Variants in CCDC91 observed in about 807,000 individuals in gnomAD.
CCDC91 encodes the protein coiled-coil domain-containing protein 91.
Under a neutral mutation model 63.2 loss-of-function variants are expected in CCDC91, and 48 were observed. The observed-to-expected ratio is 0.76, with a 90% CI of 0.60 to 0.97. The LOEUF (loss-of-function observed/expected upper bound fraction) is 0.97. Ranked by LOEUF, CCDC91 falls within the 50% of genes least tolerant of loss-of-function variation. The pLI, the probability that CCDC91 is intolerant of heterozygous loss-of-function variation, is 0.00. For synonymous variants in CCDC91, 167 were observed against 165.8 expected, an observed-to-expected ratio of 1.01 and a Z score of -0.06; for missense variants, 500 against 494.6, an observed-to-expected ratio of 1.01 and a Z score of -0.10.
intron 12 of CCDC91, among the ~76,000 whole-genome samples, chr12:28,548,694 T>A (rs1252686645): frequency 6.6e-6 from 1 of 152,162 alleles, no homozygotes; most frequent in East Asian, 1.9e-4. Context: ...TGTGTTTCTG[T>A]GCTATGTACT....
chr12:28,334,157 G>A (rs1240941299), intron 6 of CCDC91, among the ~76,000 whole-genome samples: 3 of 152,140 alleles, frequency 2.0e-5, no homozygotes, highest in Non-Finnish European at 4.4e-5. Flanking sequence ...CTAACAGCTT[G>A]AGGAATGTGA....
chr12:28,244,907 G>A (rs948721819), intron 1 of CCDC91, among the ~76,000 whole-genome samples: 13 of 151,650 alleles, frequency 8.6e-5, no homozygotes, highest in African/African-American at 1.7e-4. Flanking sequence ...CTAAAGTTGA[G>A]TAGGTAGATT....
At chr12:28,313,163 GAA>G (rs1446761549) in intron 6 of CCDC91, among the ~76,000 whole-genome samples, 2 of 151,840 alleles carry the variant, frequency 1.3e-5, no homozygotes, top group Non-Finnish European at 2.9e-5. Context: ...TTAATGAAAT[GAA>G]AAGAGTTATT....
intron 6 of CCDC91, among the ~76,000 whole-genome samples, chr12:28,359,811 G>T (rs954877626): frequency 6.6e-6 from 1 of 150,618 alleles, no homozygotes; most frequent in Non-Finnish European, 1.5e-5. Context: ...TGAGCAATGA[G>T]AATAAAAGCT....
At chr12:28,452,107 T>A (rs190459911) in intron 10 of CCDC91, among the ~76,000 whole-genome samples, 6 of 151,576 alleles carry the variant, frequency 4.0e-5, no homozygotes, top group African/African-American at 1.4e-4. Flanking sequence ...AATTAATAAT[T>A]TTATTTTTTC....
In CCDC91 at chr12:28,378,455, G is replaced by T. The variant is rs117523144; in HGVS notation, c.655-12849G>T. 1.4e-4 allele frequency among the ~76,000 whole-genome samples: 21 copies of T among 152,168 alleles called. No homozygotes were observed. The East Asian group carries it at 4.1e-3, about 29-fold the overall frequency. ...GAGACCAATATTTTCCCAGGGTGTA[G>T]AGTTACTTGTATTGTATAAAGTTCT... On this transcript the variant is annotated intron_variant, in intron 7 of 12. Transcript: ENST00000536442.
intron 6 of CCDC91, among the ~76,000 whole-genome samples, chr12:28,336,442 A>G (rs1365637823): frequency 5.6e-5 from 8 of 143,912 alleles, no homozygotes; most frequent in South Asian, 2.2e-4. Flanking sequence ...AATTTTAGCA[A>G]TGGTTCCAGT....
rs182642896 is a variant in CCDC91 at position 28,275,136 on chromosome 12, C to T, written c.109+15694C>T. ...ACTAAGATCAGAGCAGAATTGAAGG[C>T]GATAGAGACACAAAAAACCCTTCAA... is the stretch of plus-strand genomic sequence containing the variant. On this transcript the variant is annotated intron_variant, in intron 3 of 12. Coordinates refer to ENST00000536442, the MANE Select transcript of CCDC91 (RefSeq NM_018318.5). Among the ~76,000 whole-genome samples, 9 of 151,820 alleles carry T rather than the reference C, an allele frequency of 5.9e-5. No homozygotes were observed. The East Asian group carries it at 9.7e-4, about 16-fold the overall frequency.
chr12:28,345,481 T>C (rs960690671), intron 6 of CCDC91, among the ~76,000 whole-genome samples: 7 of 152,096 alleles, frequency 4.6e-5, no homozygotes, highest in African/African-American at 1.7e-4. Context: ...TTATTAAATA[T>C]GGAAACTGAG....
rs562313329 is a variant in CCDC91 at position 28,329,692 on chromosome 12, G to A, written c.576+21943G>A. On this transcript the variant is annotated intron_variant, in intron 6 of 12. Coordinates refer to ENST00000536442, the MANE Select transcript of CCDC91 (RefSeq NM_018318.5). ...GCAGGTTTGTTACATAGGTATACAC[G>A]TGCCATGTTGGTTTGCTGCACCCAT... Among the ~76,000 whole-genome samples the A allele has an allele frequency of 8.5e-4, 129 of 152,156 alleles. 3 individuals are homozygous for A. The highest frequency in any genetic ancestry group is 2.9e-3 in the African/African-American group (119 of 41,500).
chr12:28,340,479 T>G (rs1942331426), intron 6 of CCDC91, among the ~76,000 whole-genome samples: 1 of 152,252 alleles, frequency 6.6e-6, no homozygotes, highest in Non-Finnish European at 1.5e-5. Flanking sequence ...CTCAGTTCAT[T>G]ACATTTCTTT....
Position 28,524,833 on chromosome 12 carries a change from G to C in CCDC91, c.1216-24230G>C, listed in dbSNP as rs186246645. Among the ~76,000 whole-genome samples the C allele has an allele frequency of 6.2e-3, 935 of 150,728 alleles. 14 individuals carry two copies. The highest frequency in any genetic ancestry group is 0.021 in the African/African-American group (871 of 40,964). On this transcript the variant is annotated intron_variant, in intron 12 of 12. Coordinates refer to ENST00000536442, the MANE Select transcript of CCDC91 (RefSeq NM_018318.5). ...TTCTTGATTTAAGATAGGAGTGTTTGTCTTTCCAGGAATTTATCCATCTCC... is the reference window on the plus strand; with the variant it reads ...TTCTTGATTTAAGATAGGAGTGTTTCTCTTTCCAGGAATTTATCCATCTCC...
rs149034857 is a variant in CCDC91 at position 28,406,150 on chromosome 12, C to T, written c.762+14739C>T. On this transcript the variant is annotated intron_variant, in intron 8 of 12. Transcript: ENST00000536442. ...TGTGCAGGTTTGTTACATAGGTAAG[C>T]GTGTGCATGGTGATGGTTTGCTGCA... Among the ~76,000 whole-genome samples, 150 of 152,038 alleles carry T rather than the reference C, an allele frequency of 9.9e-4. 1 individual carries two copies. The Middle Eastern group carries it at 0.01, about 10-fold the overall frequency.
At chr12:28,497,305 CTG>C (rs1273565899) in intron 12 of CCDC91, among the ~76,000 whole-genome samples, 1 of 151,418 alleles carries the variant, frequency 6.6e-6, no homozygotes, top group African/African-American at 2.4e-5. Flanking sequence ...AAGTATAAAA[CTG>C]AAGAAAATAA....
intron 11 of CCDC91, among the ~76,000 whole-genome samples, chr12:28,478,554 A>C (rs1951252364): frequency 6.6e-6 from 1 of 152,206 alleles, no homozygotes; most frequent in Non-Finnish European, 1.5e-5. Context: ...AGGCATGGGC[A>C]AGGACTTCAT....
chr12:28,345,586 CA>C (rs1206943988), intron 6 of CCDC91, among the ~76,000 whole-genome samples: 1 of 151,886 alleles, frequency 6.6e-6, no homozygotes. Context: ...AAACTCTTAC[CA>C]AATTACAAAT....
intron 12 of CCDC91, among the ~76,000 whole-genome samples, chr12:28,520,480 C>T (rs1940503354): frequency 6.6e-6 from 1 of 152,158 alleles, no homozygotes; most frequent in Admixed American, 6.6e-5. Context: ...AGCCCTTTGT[C>T]AGATGGGTAG....
At chr12:28,383,038 A>T (rs1421413243) in intron 7 of CCDC91, among the ~76,000 whole-genome samples, 3 of 152,092 alleles carry the variant, frequency 2.0e-5, no homozygotes, top group Non-Finnish European at 2.9e-5. Flanking sequence ...AAACTTCTTA[A>T]TTTTAATGTG....
At position 28,497,827 on chromosome 12, in the gene CCDC91, T is replaced by A. The variant is rs529996198; in HGVS notation, c.1215+13662T>A. On this transcript the variant is annotated intron_variant, in intron 12 of 12. Transcript: ENST00000536442. ...ATATATGACATTTAAAATAACTTTATGGCTTAGTATTTCCTTTGTAGTTTA... is the reference window on the plus strand; with the variant it reads ...ATATATGACATTTAAAATAACTTTAAGGCTTAGTATTTCCTTTGTAGTTTA... 1.3e-4 allele frequency among the ~76,000 whole-genome samples: 20 copies of A among 151,784 alleles called. No individual in the cohort carries two copies. The South Asian group carries it at 3.7e-3, about 28-fold the overall frequency.
Sources: gnomAD v4.1 joint callset for allele counts (sites outside exome capture counted in the v4.1 genomes callset) on GRCh38, gnomAD v4.1.1 for gene constraint, MANE v1.5 for transcripts, NCBI Gene and HGNC (gene_info 2026-07-23, HGNC 2026-07-21) for gene names.